Variants in PPFIA2 observed in about 807,000 individuals in gnomAD.
The protein encoded by PPFIA2 is liprin-alpha-2.
Under a neutral mutation model 175.5 loss-of-function variants are expected in PPFIA2, and 46 were observed. The observed-to-expected ratio is 0.26, with a 90% CI of 0.21 to 0.34. The LOEUF (loss-of-function observed/expected upper bound fraction) is 0.34. PPFIA2 is among the 10% of genes least tolerant of loss of function. The pLI is 1.00. For synonymous variants in PPFIA2, 568 were observed against 511.4 expected (o/e 1.11, Z -1.49); for missense variants, 1,179 against 1,506.1 (o/e 0.78, Z 3.60).
intron 4 of PPFIA2, among the ~76,000 whole-genome samples, chr12:81,520,167 CT>C (rs1459806311): frequency 6.6e-6 from 1 of 152,142 alleles, no homozygotes; most frequent in Non-Finnish European, 1.5e-5. Flanking sequence ...GGATCATCTG[CT>C]TTAGGTGATT....
At chr12:81,674,827 A>G (rs2072155235) in intron 4 of PPFIA2, among the ~76,000 whole-genome samples, 1 of 151,992 alleles carries the variant, frequency 6.6e-6, no homozygotes, top group South Asian at 2.1e-4. Context: ...AAGTAACCCT[A>G]GATACTATTG....
At chr12:81,385,605 C>T (rs959560028) in intron 8 of PPFIA2, among the ~76,000 whole-genome samples, 2 of 151,974 alleles carry the variant, frequency 1.3e-5, no homozygotes, top group Admixed American at 6.6e-5. Flanking sequence ...ATAAGCCAGG[C>T]ACAGAAAGAC....
intron 3 of PPFIA2, among the ~76,000 whole-genome samples, chr12:81,698,322 C>T (rs1475963175): frequency 6.6e-6 from 1 of 152,046 alleles, no homozygotes; most frequent in Admixed American, 6.6e-5. Context: ...GCTGTTATTG[C>T]AGAAGCAAGT....
intron 4 of PPFIA2, among the ~76,000 whole-genome samples, chr12:81,582,283 A>G (rs1246351961): frequency 1.3e-5 from 2 of 151,852 alleles, no homozygotes; most frequent in African/African-American, 4.8e-5. Context: ...TTTCTCTTCC[A>G]TGTTCTTTTC....
chr12:81,705,257 A>G (rs2076983772), intron 3 of PPFIA2, among the ~76,000 whole-genome samples: 1 of 151,030 alleles, frequency 6.6e-6, no homozygotes, highest in Non-Finnish European at 1.5e-5. Context: ...AGACTATCCT[A>G]TCCTGGCCAA....
intron 4 of PPFIA2, among the ~76,000 whole-genome samples, chr12:81,636,681 C>G (rs2064107830): frequency 6.6e-6 from 1 of 151,928 alleles, no homozygotes; most frequent in Non-Finnish European, 1.5e-5. Flanking sequence ...GAGACAGAGT[C>G]TTGTTCTGTA....
Position 81,339,169 on chromosome 12 carries a change from T to G in PPFIA2, c.2548+11A>C. On this transcript the variant is annotated intron_variant, in intron 21 of 32. Coordinates refer to ENST00000549396, the MANE Select transcript of PPFIA2 (RefSeq NM_003625.5). ...AGTGGCAGTGGAAAGTCTTAACACA[T>G]GCATACTTACGGAGCTGCCCAAGTC... is the stretch of plus-strand genomic sequence containing the variant. 6.3e-7 allele frequency: 1 copy of G among 1,576,034 alleles called. No individual in the cohort carries two copies. The highest frequency in any genetic ancestry group is 1.8e-5 in the Admixed American group (1 of 54,788).
chr12:81,470,654 G>A (rs1389036326), intron 4 of PPFIA2, among the ~76,000 whole-genome samples: 3 of 152,024 alleles, frequency 2.0e-5, no homozygotes, highest in Non-Finnish European at 4.4e-5. Context: ...ATATCTAAAA[G>A]GTGGAAACAA....
chr12:81,501,822 A>G (rs978953580), intron 4 of PPFIA2, among the ~76,000 whole-genome samples: 46 of 152,272 alleles, frequency 3.0e-4, no homozygotes, highest in Admixed American at 5.2e-4. Flanking sequence ...GCTCTTAGGC[A>G]TATGTAATGC....
intron 4 of PPFIA2, among the ~76,000 whole-genome samples, chr12:81,583,470 A>T (rs1373133616): frequency 6.6e-6 from 1 of 151,894 alleles, no homozygotes; most frequent in East Asian, 1.9e-4. Context: ...TAAATACAGT[A>T]AAGATCAGAG....
chr12:81,682,825 A>G (rs1025407501), intron 3 of PPFIA2, among the ~76,000 whole-genome samples: 12 of 152,042 alleles, frequency 7.9e-5, no homozygotes, highest in African/African-American at 2.6e-4. Context: ...ATGACATCCT[A>G]TCGTTCAAAT....
intron 11 of PPFIA2, among the ~76,000 whole-genome samples, chr12:81,371,755 T>C (rs984673175): frequency 6.6e-6 from 1 of 151,824 alleles, no homozygotes; most frequent in African/African-American, 2.4e-5. Context: ...GTAGATATTA[T>C]AAATCATAAG....
At chr12:81,361,222 A>C (rs990225525) in intron 15 of PPFIA2, among the ~76,000 whole-genome samples, 9 of 151,690 alleles carry the variant, frequency 5.9e-5, no homozygotes. Flanking sequence ...GGTCAAAAAA[A>C]CAAGGAAATG....
At chr12:81,459,505 T>C (rs1195042731) in intron 4 of PPFIA2, among the ~76,000 whole-genome samples, 1 of 152,166 alleles carries the variant, frequency 6.6e-6, no homozygotes, top group African/African-American at 2.4e-5. Context: ...AATTTTAACA[T>C]TAGATATCTC....
chr12:81,290,800 T>C (rs1168200653), intron 24 of PPFIA2, among the ~76,000 whole-genome samples: 1 of 151,794 alleles, frequency 6.6e-6, no homozygotes, highest in Non-Finnish European at 1.5e-5. Flanking sequence ...TATACACAAA[T>C]ATAGCAATGG....
intron 3 of PPFIA2, among the ~76,000 whole-genome samples, chr12:81,750,872 G>A (rs996838982): frequency 1.3e-5 from 2 of 151,896 alleles, no homozygotes; most frequent in African/African-American, 4.8e-5. Flanking sequence ...TCTACCCTGT[G>A]TTTGCTGAAA....
At chr12:81,634,479 C>G (rs1260563462) in intron 4 of PPFIA2, among the ~76,000 whole-genome samples, 1 of 152,012 alleles carries the variant, frequency 6.6e-6, no homozygotes, top group Admixed American at 6.5e-5. Context: ...CTTTGCTATA[C>G]TGCAGAGTTG....
chr12:81,596,029 T>A (rs1224381227), intron 4 of PPFIA2, among the ~76,000 whole-genome samples: 1 of 152,192 alleles, frequency 6.6e-6, no homozygotes, highest in African/African-American at 2.4e-5. Flanking sequence ...TTTCTCAAGA[T>A]ACAGTTTTTG....
At chr12:81,584,785 C>CATTATATATAATATATATATTT (rs2074941215) in intron 4 of PPFIA2, among the ~76,000 whole-genome samples, 1 of 129,390 alleles carries the variant, frequency 7.7e-6, no homozygotes, top group Admixed American at 9.3e-5. Flanking sequence ...GAATAAAAAG[C>CATTATATATAATATATATATTT]ATTATATATA....
Sources: allele counts gnomAD v4.1 joint callset (sites outside exome capture counted in the v4.1 genomes callset), GRCh38; gene constraint gnomAD v4.1.1; transcripts MANE v1.5; gene names NCBI Gene and HGNC (gene_info 2026-07-23, HGNC 2026-07-21).